YAF2: variants seen among roughly 807,000 people sequenced by gnomAD.
YAF2 encodes the protein YY1 associated factor 2, also known as YY1-associated factor 2.
In YAF2, 7 loss-of-function variants were observed where a neutral mutation model predicts 20.1. That is an observed-to-expected ratio of 0.35 (90% CI 0.20 to 0.65). The LOEUF is 0.65. YAF2 is among the 30% of genes least tolerant of loss of function. YAF2 has a pLI of 0.69. For synonymous variants in YAF2, 74 were observed against 76.0 expected, an observed-to-expected ratio of 0.97 and a Z score of 0.14; for missense variants, 151 against 219.2, an observed-to-expected ratio of 0.69 and a Z score of 1.96.
chr12:42,165,812 TC>T, intron 2 of YAF2, among the ~76,000 whole-genome samples: 1 of 135,740 alleles, frequency 7.4e-6, no homozygotes, highest in Non-Finnish European at 1.6e-5. Flanking sequence ...AACTAACTCC[TC>T]ATCAACTGTC....
At chr12:42,235,896 T>G (rs1293039526) in intron 2 of YAF2, 7 of 1,536,006 alleles carry the variant, frequency 4.6e-6, no homozygotes, top group Admixed American at 2.0e-5. Flanking sequence ...AGCCTGTTTC[T>G]TCTCTTCTGA....
chr12:42,168,891 A>G lies in YAF2; in HGVS notation c.153-7126T>C, dbSNP rs189097524. On this transcript the variant is annotated intron_variant, in intron 2 of 3. Transcript: ENST00000534854. ...AATTTACTAAGTTTAAAAACTCACA[A>G]TTACCTTTTAAAATGTTGTAAATAT... Among the ~76,000 whole-genome samples, 291 of 152,202 alleles carry G rather than the reference A, an allele frequency of 1.9e-3. 1 individual carries two copies. The highest frequency in any genetic ancestry group is 6.6e-3 in the African/African-American group (273 of 41,544).
intron 2 of YAF2, among the ~76,000 whole-genome samples, chr12:42,209,563 CAAAAAAAAAA>C (rs71084623): frequency 1.1e-3 from 31 of 27,806 alleles, no homozygotes; most frequent in African/African-American, 3.2e-3. Flanking sequence ...GACTTTGTCT[CAAAAAAAAAA>C]AAAAAAAAAA....
At chr12:42,201,237 T>C (rs2066890704) in intron 2 of YAF2, among the ~76,000 whole-genome samples, 1 of 152,206 alleles carries the variant, frequency 6.6e-6, no homozygotes, top group Admixed American at 6.5e-5. Context: ...GACTAATACC[T>C]TGAATAGTAA....
intron 2 of YAF2, among the ~76,000 whole-genome samples, chr12:42,228,125 C>T (rs1231948391): frequency 5.3e-5 from 4 of 75,240 alleles, no homozygotes; most frequent in Admixed American, 1.2e-4. Context: ...GCCCGGCCAG[C>T]CGCCCCGTCC....
Position 42,171,629 on chromosome 12 carries a change from A to G in YAF2, c.153-9864T>C, listed in dbSNP as rs573679755. On this transcript the variant is annotated intron_variant, in intron 2 of 3. Coordinates refer to ENST00000534854, the MANE Select transcript of YAF2 (RefSeq NM_005748.6). ...ACAAGCAAAAGGGCCAGAACTGGGT[A>G]TATAACTCCTGATCATTTTCTCATT... 3.9e-5 allele frequency among the ~76,000 whole-genome samples: 6 copies of G among 152,302 alleles called. No individual in the cohort carries two copies. The East Asian group carries it at 9.7e-4, about 25-fold the overall frequency.
intron 2 of YAF2, among the ~76,000 whole-genome samples, chr12:42,228,464 G>A (rs866596547): frequency 2.2e-3 from 75 of 33,614 alleles, no homozygotes; most frequent in Non-Finnish European, 2.5e-3. Context: ...CGCCCCGTCC[G>A]GGAGGGAGGT....
chr12:42,165,773 G>GTT (rs71084620), intron 2 of YAF2, among the ~76,000 whole-genome samples: 39 of 116,074 alleles, frequency 3.4e-4, no homozygotes, highest in East Asian at 1.1e-3. Context: ...GCCCGGCCAG[G>GTT]TTTTTTTTTT....
intron 2 of YAF2, among the ~76,000 whole-genome samples, chr12:42,205,631 C>T (rs2137190224): frequency 6.6e-6 from 1 of 152,302 alleles, no homozygotes; most frequent in African/African-American, 2.4e-5. Context: ...CCTCGGCCTC[C>T]CAAAGTGCTG....
intron 2 of YAF2, among the ~76,000 whole-genome samples, chr12:42,224,865 G>A (rs2067641566): frequency 6.6e-6 from 1 of 152,200 alleles, no homozygotes; most frequent in Non-Finnish European, 1.5e-5. Flanking sequence ...ACAGTAGAAT[G>A]ATTTATAATC....
intron 1 of YAF2, 112 bp downstream of exon 1, chr12:42,238,042 CT>C: frequency 2.2e-6 from 2 of 922,148 alleles, no homozygotes; most frequent in Non-Finnish European, 2.8e-6. Context: ...ACCAGCGGCG[CT>C]GCCCCCGTGC....
chr12:42,227,136 G>C (rs1017339362), intron 2 of YAF2, among the ~76,000 whole-genome samples: 1 of 145,952 alleles, frequency 6.9e-6, no homozygotes, highest in Admixed American at 6.8e-5. Flanking sequence ...CGCCGCGCCG[G>C]CGAGCGCCGC....
In YAF2 at chr12:42,167,902, C is replaced by T. The variant is rs185588972; in HGVS notation, c.153-6137G>A. Among the ~76,000 whole-genome samples, 17 of 152,266 alleles carry T rather than the reference C, an allele frequency of 1.1e-4. No homozygotes were observed. The East Asian group carries it at 3.3e-3, about 29-fold the overall frequency. On this transcript the variant is annotated intron_variant, in intron 2 of 3. Coordinates refer to ENST00000534854, the MANE Select transcript of YAF2 (RefSeq NM_005748.6). ...CTATAGTCCCAGCTACAGTCCAGGA[C>T]AGTCAAGTCATCGTCTGGCTTTGTT... is the stretch of plus-strand genomic sequence containing the variant.
chr12:42,194,607 G>A (rs1294566822), intron 2 of YAF2, among the ~76,000 whole-genome samples: 3 of 152,098 alleles, frequency 2.0e-5, no homozygotes, highest in Admixed American at 6.5e-5. Context: ...TTGTGCCACT[G>A]CACAATAAAT....
chr12:42,202,156 G>T (rs538773483), intron 2 of YAF2, among the ~76,000 whole-genome samples: 1 of 151,122 alleles, frequency 6.6e-6, no homozygotes, highest in African/African-American at 2.4e-5. Context: ...TCTCCCTCCC[G>T]CCAAGGAATG....
At chr12:42,221,952 G>A in intron 2 of YAF2, among the ~76,000 whole-genome samples, 1 of 152,256 alleles carries the variant, frequency 6.6e-6, no homozygotes, top group African/African-American at 2.4e-5. Flanking sequence ...CTCAGGATGT[G>A]ACTAAACACT....
chr12:42,191,211 A>G (rs1407337828), intron 2 of YAF2, among the ~76,000 whole-genome samples: 1 of 152,158 alleles, frequency 6.6e-6, no homozygotes, highest in Non-Finnish European at 1.5e-5. Context: ...CCCTGAATTT[A>G]TATCGTTTTC....
chr12:42,189,031 T>C lies in YAF2; in HGVS notation c.153-27266A>G, dbSNP rs561511069. On this transcript the variant is annotated intron_variant, in intron 2 of 3. Transcript: ENST00000534854. ...AACTGGGAGAATCAGAGTGGAAATG[T>C]GTCAGGAAAGCCTTCCTGTAGAGAT... Among the ~76,000 whole-genome samples the C allele has an allele frequency of 1.1e-4, 16 of 152,296 alleles. No individual in the cohort carries two copies. The South Asian group carries it at 3.3e-3, about 32-fold the overall frequency.
rs564444146 is a variant in YAF2, at chr12:42,237,582, G to A, written c.152+17C>T. 8.4e-5 allele frequency: 127 copies of A among 1,506,904 alleles called. No homozygotes were observed. The African/African-American group carries it at 1.3e-3, about 16-fold the overall frequency. 93.3% of individuals were successfully genotyped at this position (1,506,904 alleles called of 1,614,324 possible). On this transcript the variant is annotated intron_variant, in intron 2 of 3. Transcript: ENST00000534854. ...ACCCCGCCGGCCGGCGGCGCGAGGGGCAGGCCCGGGACTCACCGGGTGGAG... is the reference window on the plus strand; with the variant it reads ...ACCCCGCCGGCCGGCGGCGCGAGGGACAGGCCCGGGACTCACCGGGTGGAG...
Sources: allele counts gnomAD v4.1 joint callset (sites outside exome capture counted in the v4.1 genomes callset), GRCh38; gene constraint gnomAD v4.1.1; transcripts MANE v1.5; gene names NCBI Gene and HGNC (gene_info 2026-07-23, HGNC 2026-07-21).